Variants in CDH12 observed in about 807,000 individuals in gnomAD.
CDH12 encodes the protein cadherin-12.
A neutral mutation model predicts 74.1 loss-of-function variants in CDH12; 41 were observed. That is an observed-to-expected ratio of 0.55 (90% CI 0.43 to 0.72). CDH12 has a LOEUF of 0.72. CDH12 is among the 30% of genes least tolerant of loss of function. The probability of loss-of-function intolerance (pLI) is 0.00; values close to 1 mark genes in which losing one functional copy is unlikely to be tolerated. For missense variants in CDH12, 945 were observed against 977.2 expected, an observed-to-expected ratio of 0.97 and a Z score of 0.44; for synonymous variants, 399 against 355.0, an observed-to-expected ratio of 1.12 and a Z score of -1.39.
In CDH12 at chr5:22,853,296, T is replaced by G. The variant is rs1737640547; in HGVS notation, c.-761A>C. The G allele has an allele frequency of 6.6e-6, 1 of 152,170 alleles. No individual in the cohort carries two copies. The highest frequency in any genetic ancestry group is 1.5e-5 in the Non-Finnish European group (1 of 68,056). The allele number at this position is 152,170 out of a possible 1,614,324, so 9.4% of individuals were successfully genotyped here. ...GGCTGCCTCTCTTCTCAGAAAAGCCTGGACCCCTCTCTGTGGCTCCCTCCA... is the reference window on the plus strand; with the variant it reads ...GGCTGCCTCTCTTCTCAGAAAAGCCGGGACCCCTCTCTGTGGCTCCCTCCA... On this transcript the variant is annotated 5_prime_UTR_variant, in exon 1 of 15. Transcript: ENST00000382254.
At chr5:22,293,134 G>A (rs367984924) in intron 3 of CDH12, among the ~76,000 whole-genome samples, 1 of 152,086 alleles carries the variant, frequency 6.6e-6, no homozygotes, top group Non-Finnish European at 1.5e-5. Context: ...TTCTGAAACT[G>A]CTCTTCCTGC....
intron 1 of CDH12, among the ~76,000 whole-genome samples, chr5:22,808,900 C>T (rs1331100364): frequency 1.3e-5 from 2 of 151,426 alleles, no homozygotes; most frequent in Admixed American, 6.6e-5. Context: ...TGCCACCACA[C>T]CCAGCCAACT....
At chr5:21,982,252 C>G (rs1757336056) in intron 5 of CDH12, among the ~76,000 whole-genome samples, 1 of 151,990 alleles carries the variant, frequency 6.6e-6, no homozygotes. Context: ...CAAGCTGAGA[C>G]ACTGGAATTT....
At chr5:22,618,228 T>C (rs1737787581) in intron 1 of CDH12, among the ~76,000 whole-genome samples, 1 of 152,156 alleles carries the variant, frequency 6.6e-6, no homozygotes, top group Non-Finnish European at 1.5e-5. Flanking sequence ...GAATCCACTG[T>C]GAGATACAGC....
intron 1 of CDH12, among the ~76,000 whole-genome samples, chr5:22,779,479 A>G (rs1747277072): frequency 1.3e-5 from 2 of 152,164 alleles, no homozygotes; most frequent in African/African-American, 2.4e-5. Flanking sequence ...TTAGTAAATC[A>G]TTCACAAAAC....
intron 4 of CDH12, among the ~76,000 whole-genome samples, chr5:22,093,568 G>A (rs1349648905): frequency 3.9e-5 from 6 of 152,124 alleles, no homozygotes; most frequent in Admixed American, 6.5e-5. Context: ...TAGAATAGGT[G>A]AATAAAGACA....
At chr5:22,309,931 T>C (rs1207635111) in intron 3 of CDH12, among the ~76,000 whole-genome samples, 1 of 121,754 alleles carries the variant, frequency 8.2e-6, no homozygotes, top group African/African-American at 3.1e-5. Flanking sequence ...CGTTAATAAA[T>C]AAACAATTAT....
At position 22,675,870 on chromosome 5, in the gene CDH12, C is replaced by CATATATATAT. The variant is rs144687047; in HGVS notation, c.-522-170516_-522-170507dup. On this transcript the variant is annotated intron_variant, in intron 1 of 14. Transcript: ENST00000382254. ...TGTATATATTTATACTTTTGTATCT[C>CATATATATAT]ATATATATATATATATACTTTTGTT... 1.1e-3 allele frequency among the ~76,000 whole-genome samples: 102 copies of CATATATATAT among 92,100 alleles called. 8 individuals carry two copies. Among genetic ancestry groups the CATATATATAT allele is most frequent in the East Asian group, 2.9e-3 (8 of 2,804 alleles). 60.4% of individuals were successfully genotyped at this position (92,100 alleles called of 152,430 possible). A position where few individuals can be genotyped will look rare whatever the true frequency, so the allele number is the denominator to read the frequency against.
intron 4 of CDH12, among the ~76,000 whole-genome samples, chr5:22,125,446 T>C (rs1197428574): frequency 1.3e-5 from 2 of 152,080 alleles, no homozygotes; most frequent in Non-Finnish European, 2.9e-5. Flanking sequence ...TAATTCTTTC[T>C]TTTTAATGGC....
At chr5:22,533,871 T>A (rs376696668) in intron 1 of CDH12, among the ~76,000 whole-genome samples, 12 of 152,212 alleles carry the variant, frequency 7.9e-5, no homozygotes, top group African/African-American at 2.2e-4. Context: ...TTCAAAAATA[T>A]ACACAGACAT....
At position 21,878,037 on chromosome 5, in the gene CDH12, G is replaced by C. The variant is rs115497258; in HGVS notation, c.527-23247C>G. On this transcript the variant is annotated intron_variant, in intron 6 of 14. Coordinates refer to ENST00000382254, the MANE Select transcript of CDH12 (RefSeq NM_004061.5). ...ACATGACTTTGCAATACTTGCAAAA[G>C]TGCTTATGAATCCAGATAAGTAATG... is the stretch of plus-strand genomic sequence containing the variant. Among the ~76,000 whole-genome samples, 517 of 152,340 alleles carry C rather than the reference G, an allele frequency of 3.4e-3. 2 individuals are homozygous for C. The highest frequency in any genetic ancestry group is 6.4e-3 in the Non-Finnish European group (434 of 68,026).
chr5:22,160,039 A>G (rs1748243004), intron 4 of CDH12, among the ~76,000 whole-genome samples: 1 of 152,184 alleles, frequency 6.6e-6, no homozygotes, highest in Non-Finnish European at 1.5e-5. Context: ...TGAAAATTAG[A>G]AAAACTTCAC....
chr5:22,265,768 C>T (rs913793613), intron 3 of CDH12, among the ~76,000 whole-genome samples: 1 of 152,020 alleles, frequency 6.6e-6, no homozygotes, highest in African/African-American at 2.4e-5. Flanking sequence ...AAGTGCTTCC[C>T]ATTCTTAAGG....
At chr5:22,707,728 A>T (rs985803538) in intron 1 of CDH12, among the ~76,000 whole-genome samples, 1 of 152,158 alleles carries the variant, frequency 6.6e-6, no homozygotes, top group African/African-American at 2.4e-5. Flanking sequence ...AAATATACTC[A>T]TCCTTTCAAA....
chr5:22,517,799 T>C (rs1736869988), intron 1 of CDH12, among the ~76,000 whole-genome samples: 1 of 152,156 alleles, frequency 6.6e-6, no homozygotes, highest in African/African-American at 2.4e-5. Flanking sequence ...ACTTCCTGTC[T>C]TTTGTTTCTC....
intron 8 of CDH12, among the ~76,000 whole-genome samples, chr5:21,819,022 A>G (rs971073998): frequency 2.0e-5 from 3 of 152,048 alleles, no homozygotes; most frequent in Non-Finnish European, 4.4e-5. Context: ...ATGTTTGCTG[A>G]ACTTAAAGCA....
chr5:22,603,408 G>T (rs1736942587), intron 1 of CDH12, among the ~76,000 whole-genome samples: 1 of 152,196 alleles, frequency 6.6e-6, no homozygotes. Context: ...TAGATTAAAA[G>T]AATCTGCTAT....
At chr5:22,767,735 T>C (rs1159451755) in intron 1 of CDH12, among the ~76,000 whole-genome samples, 1 of 151,918 alleles carries the variant, frequency 6.6e-6, no homozygotes, top group Admixed American at 6.6e-5. Context: ...TACCTACGAG[T>C]TCTTTCAAAA....
intron 7 of CDH12, among the ~76,000 whole-genome samples, chr5:21,854,364 G>A (rs1038267744): frequency 6.6e-6 from 1 of 151,568 alleles, no homozygotes; most frequent in Non-Finnish European, 1.5e-5. Flanking sequence ...GAAATGAAAA[G>A]CTATTATAGC....
Sources: allele counts gnomAD v4.1 joint callset (sites outside exome capture counted in the v4.1 genomes callset), GRCh38; gene constraint gnomAD v4.1.1; transcripts MANE v1.5; gene names NCBI Gene and HGNC (gene_info 2026-07-23, HGNC 2026-07-21).